Variants in DUSP5 observed in about 807,000 individuals in gnomAD.
The protein encoded by DUSP5 is dual specificity phosphatase 5.
DUSP5 carries 22 observed loss-of-function variants against 33.6 expected under a neutral mutation model. The ratio of observed to expected loss-of-function variants is 0.66; its 90% CI spans 0.47 to 0.94. DUSP5 has a LOEUF of 0.94. Among genes scored for constraint, DUSP5 ranks in the 40% least tolerant of loss-of-function variants. DUSP5 has a pLI of 0.00. For missense variants in DUSP5, 551 were observed against 522.1 expected, an observed-to-expected ratio of 1.06 and a Z score of -0.54; for synonymous variants, 270 against 231.1, an observed-to-expected ratio of 1.17 and a Z score of -1.53.
chr10:110,504,409 G>A (rs1275590629), intron 2 of DUSP5, among the ~76,000 whole-genome samples: 1 of 152,228 alleles, frequency 6.6e-6, no homozygotes, highest in Non-Finnish European at 1.5e-5. Flanking sequence ...GGAAAGAAAT[G>A]TAGTTTCAGG....
At position 110,510,199 on chromosome 10, in the gene DUSP5, C is replaced by T. The variant is rs1860170609; in HGVS notation, c.928C>T (p.Leu310Phe). ...GCCCAACTTTGGCTTCATGGGCCAG[C>T]TCCTGCAGTACGAATCTGAGATCCT... Reference protein sequence around the residue: ...VSPNFGFMGQLLQYESEILPS... With the variant: ...VSPNFGFMGQFLQYESEILPS... Residue 310 changes from leucine to phenylalanine, a missense_variant, in exon 4 of 4, where the codon CTC becomes TTC. By Grantham distance (22) the Leu-to-Phe change is conservative. Around this residue, in one of 3 missense-constraint regions of DUSP5, gnomAD observed 158 missense variants for 181.8 expected, o/e 0.87. Coordinates refer to ENST00000369583, the MANE Select transcript of DUSP5 (RefSeq NM_004419.4). 6.2e-7 allele frequency: 1 copy of T among 1,614,122 alleles called. No homozygotes were observed. The highest frequency in any genetic ancestry group is 8.5e-7 in the Non-Finnish European group (1 of 1,180,044).
In DUSP5 at chr10:110,498,209, C is replaced by T. The variant is rs1859983225; in HGVS notation, c.88C>T (p.Pro30Ser). 3 of 1,510,454 alleles carry T rather than the reference C, an allele frequency of 2.0e-6. No individual in the cohort carries two copies. The highest frequency in any genetic ancestry group is 1.4e-5 in the African/African-American group (1 of 69,074). 93.6% of individuals were successfully genotyped at this position (1,510,454 alleles called of 1,614,324 possible). The change falls in exon 1 of 4, where the codon CCC (proline) becomes TCC (serine). Residue 30 changes from proline to serine, a missense_variant. Physicochemically the swap from Pro to Ser is moderately conservative, Grantham distance 74. Around this residue, in one of 3 missense-constraint regions of DUSP5, gnomAD observed 381 missense variants for 310.4 expected, o/e 1.23. Coordinates refer to ENST00000369583, the MANE Select transcript of DUSP5 (RefSeq NM_004419.4). The part of the protein sequence containing the change: ...AARCVVLDCR[P>S]YLAFAASNVR... ...GCGCTGCGTGGTGCTCGACTGCCGG[C>T]CCTATCTGGCCTTCGCTGCCTCGAA...
Position 110,498,443 on chromosome 10 carries a change from G to A in DUSP5, c.322G>A (p.Val108Ile). 1 of 1,541,566 alleles carries A rather than the reference G, an allele frequency of 6.5e-7. No homozygotes were observed. The highest frequency in any genetic ancestry group is 1.9e-5 in the Admixed American group (1 of 53,704). The change falls in exon 1 of 4, where the codon GTC (valine) becomes ATC (isoleucine). Residue 108 changes from valine (V) to isoleucine (I), a missense_variant. Val to Ile is a conservative substitution (Grantham distance 29). This residue lies in a region of DUSP5 where 381 missense variants were observed against 310.4 expected (regional missense o/e 1.23). Transcript: ENST00000369583. ...GCGAGAGGAGAGCGCCGCGCGTGTC[G>A]TCCTCACCTCGCTACTCGCTTGCCT... ...KLREESAARV[V>I]LTSLLACLPA...
intron 1 of DUSP5, among the ~76,000 whole-genome samples, chr10:110,500,315 G>C (rs909570097): frequency 6.6e-6 from 1 of 152,164 alleles, no homozygotes; most frequent in Non-Finnish European, 1.5e-5. Context: ...CAAGCAATGC[G>C]GTAGATGTCC....
At position 110,510,106 on chromosome 10, in the gene DUSP5, A is replaced by G. The variant is rs1860168625; in HGVS notation, c.835A>G (p.Met279Val). The change falls in exon 4 of 4, where the codon ATG becomes GTG. Residue 279 changes from methionine (M) to valine (V), a missense_variant. This residue lies in a region of DUSP5 where 158 missense variants were observed against 181.8 expected (regional missense o/e 0.87). Transcript: ENST00000369583. ...ACCCACCATCTGCATGGCTTACCTTATGAAGACCAAGCAGTTCCGCCTGAA... is the reference window on the plus strand; with the variant it reads ...ACCCACCATCTGCATGGCTTACCTTGTGAAGACCAAGCAGTTCCGCCTGAA... ...RSPTICMAYL[M>V]KTKQFRLKEA... 1 of 1,614,194 alleles carries G rather than the reference A, an allele frequency of 6.2e-7. No homozygotes were observed. Among genetic ancestry groups the G allele is most frequent in the Non-Finnish European group, 8.5e-7 (1 of 1,180,036 alleles).
chr10:110,505,367 C>T (rs1344986036), intron 2 of DUSP5, among the ~76,000 whole-genome samples: 1 of 152,196 alleles, frequency 6.6e-6, no homozygotes, highest in African/African-American at 2.4e-5. Flanking sequence ...ATGATGTAGG[C>T]ACATCTAAAG....
At chr10:110,509,543 CAA>C (rs1464984680) in intron 3 of DUSP5, among the ~76,000 whole-genome samples, 1 of 152,182 alleles carries the variant, frequency 6.6e-6, no homozygotes, top group East Asian at 1.9e-4. Context: ...CCTGGAGAGA[CAA>C]GAGTTGCTTC....
At chr10:110,499,338 A>G (rs1860009521) in intron 1 of DUSP5, among the ~76,000 whole-genome samples, 1 of 152,156 alleles carries the variant, frequency 6.6e-6, no homozygotes, top group Non-Finnish European at 1.5e-5. Context: ...CTCAAAATCC[A>G]AAGCATTGGT....
chr10:110,500,437 A>G (rs759076380), intron 1 of DUSP5, among the ~76,000 whole-genome samples: 1 of 152,240 alleles, frequency 6.6e-6, no homozygotes, highest in African/African-American at 2.4e-5. Flanking sequence ...GCCTACCCTT[A>G]TAACACTACT....
In DUSP5 at chr10:110,510,142, G is replaced by T; in HGVS notation, c.871G>T (p.Asp291Tyr). 1.2e-6 allele frequency: 2 copies of T among 1,614,194 alleles called. No homozygotes were observed. The highest frequency in any genetic ancestry group is 1.7e-6 in the Non-Finnish European group (2 of 1,180,034). The stretch of plus-strand genomic sequence containing the variant: ...GCAGTTCCGCCTGAAGGAGGCCTTC[G>T]ATTACATCAAGCAGAGGAGGAGCAT... ...TKQFRLKEAF[D>Y]YIKQRRSMVS... is the part of the protein sequence containing the mutation. The change falls in exon 4 of 4, where the codon GAT becomes TAT. Residue 291 changes from aspartate (D) to tyrosine (Y), a missense_variant. Physicochemically the swap from Asp to Tyr is radical, Grantham distance 160. Transcript: ENST00000369583.
rs1860167120 is a variant in DUSP5, at chr10:110,510,048, C to G, written c.777C>G (p.Val259=). The G allele has an allele frequency of 1.9e-6, 3 of 1,609,940 alleles. No individual in the cohort carries two copies. Residue 259 remains valine, a synonymous_variant, in exon 4 of 4, where the codon GTC becomes GTG. Transcript: ENST00000369583. ...GTGTCAGGGAAAAGGGAGGCAAGGT[C>G]CTGGTCCACTGTGAGGCTGGGATCT... is the stretch of plus-strand genomic sequence containing the variant. ...IDCVREKGGK[V]LVHCEAGISR...
At chr10:110,500,768 A>G (rs972092787) in intron 1 of DUSP5, among the ~76,000 whole-genome samples, 1 of 152,224 alleles carries the variant, frequency 6.6e-6, no homozygotes, top group African/African-American at 2.4e-5. Context: ...GGCACCAGCG[A>G]GGAATGTTCT....
intron 2 of DUSP5, among the ~76,000 whole-genome samples, chr10:110,505,150 ATACT>A (rs1260890092): frequency 6.6e-6 from 1 of 152,214 alleles, no homozygotes; most frequent in Non-Finnish European, 1.5e-5. Context: ...TTTACCTGAA[ATACT>A]TACTTTCTCA....
In DUSP5 at chr10:110,498,056, G is replaced by A; in HGVS notation, c.-66G>A. The A allele has an allele frequency of 1.8e-6, 2 of 1,101,896 alleles. No homozygotes were observed. The highest frequency in any genetic ancestry group is 4.2e-5 in the South Asian group (1 of 23,756). 68.3% of individuals were successfully genotyped at this position (1,101,896 alleles called of 1,614,324 possible). Reference sequence around the variant, plus strand: ...CTCGCCCGCGGACACCCTGGCCGTGGACACCCTGGCCGTGGGCACCCGCGG... The same window carrying A: ...CTCGCCCGCGGACACCCTGGCCGTGAACACCCTGGCCGTGGGCACCCGCGG... On this transcript the variant is annotated 5_prime_UTR_variant, in exon 1 of 4. Transcript: ENST00000369583.
rs184088938 is a variant in DUSP5, at chr10:110,504,483, T to C, written c.528+1614T>C. Among the ~76,000 whole-genome samples, 394 of 152,322 alleles carry C rather than the reference T, an allele frequency of 2.6e-3. 4 individuals carry two copies. Among genetic ancestry groups the C allele is most frequent in the African/African-American group, 9.0e-3 (374 of 41,576 alleles). ...TCCCAGGTCTGGTGTATCAGCAATT[T>C]CCAGGCACTCAGGAGAGGAAGAGAT... On this transcript the variant is annotated intron_variant, in intron 2 of 3. Transcript: ENST00000369583.
chr10:110,507,294 A>T, intron 3 of DUSP5, 140 bp downstream of exon 3: 1 of 836,414 alleles, frequency 1.2e-6, no homozygotes, highest in Non-Finnish European at 1.8e-6. Context: ...TGGAGCCAAC[A>T]TGGGATGCAG....
Position 110,498,291 on chromosome 10 carries a change from GCGGCGCGGTGT to G in DUSP5, c.178_188del (p.Val60LeufsTer67). Reference sequence around the variant, plus strand: ...TCGGTGGTGCTGCGGCGGGCCCGGGGCGGCGCGGTGTCGGCGCGCTACGTGCTGCCCGACGA... The same window carrying G: ...TCGGTGGTGCTGCGGCGGGCCCGGGGCGGCGCGCTACGTGCTGCCCGACGA... On this transcript the variant is annotated frameshift_variant, in exon 1 of 4. Transcript: ENST00000369583. LOFTEE classifies it high-confidence loss of function. 1 of 1,446,108 alleles carries G rather than the reference GCGGCGCGGTGT, an allele frequency of 6.9e-7. No individual in the cohort carries two copies. Among genetic ancestry groups the G allele is most frequent in the Non-Finnish European group, 9.1e-7 (1 of 1,093,328 alleles). 89.6% of individuals were successfully genotyped at this position (1,446,108 alleles called of 1,614,324 possible).
Position 110,510,664 on chromosome 10 carries a change from TC to T in DUSP5, c.*240del. 3.9e-6 allele frequency: 2 copies of T among 512,302 alleles called. No homozygotes were observed. Among genetic ancestry groups the T allele is most frequent in the East Asian group, 3.2e-5 (1 of 31,216 alleles). The allele number at this position is 512,302 out of a possible 1,614,324, so 31.7% of individuals were successfully genotyped here. ...CACAGCATGTGCTGACTACTGTACTTCCAGACCCCTGCCCTCTTGGGACTGC... is the reference window on the plus strand; with the variant it reads ...CACAGCATGTGCTGACTACTGTACTTCAGACCCCTGCCCTCTTGGGACTGC... On this transcript the variant is annotated 3_prime_UTR_variant, in exon 4 of 4. Transcript: ENST00000369583.
chr10:110,508,339 GTTA>G (rs1439629695), intron 3 of DUSP5, among the ~76,000 whole-genome samples: 2 of 152,052 alleles, frequency 1.3e-5, no homozygotes, highest in Non-Finnish European at 2.9e-5. Flanking sequence ...TTCTCAGCCT[GTTA>G]TTTAATTACC....
Sources: gnomAD v4.1 joint callset for allele counts (sites outside exome capture counted in the v4.1 genomes callset) on GRCh38, gnomAD v4.1.1 for gene constraint, gnomAD v4.1.1 regional missense constraint, MANE v1.5 for transcripts, NCBI Gene and HGNC (gene_info 2026-07-23, HGNC 2026-07-21) for gene names.